NEIL3: variants seen among roughly 807,000 people sequenced by gnomAD.
NEIL3 encodes nei like DNA glycosylase 3.
A neutral mutation model predicts 57.5 loss-of-function variants in NEIL3; 48 were observed. That is an observed-to-expected ratio of 0.83 (90% CI 0.66 to 1.06). The LOEUF (loss-of-function observed/expected upper bound fraction) is 1.06, where lower values mean the gene tolerates loss of function less well. NEIL3 is among the 50% of genes least tolerant of loss of function. The probability of loss-of-function intolerance (pLI) is 0.00; values close to 1 mark genes in which losing one functional copy is unlikely to be tolerated. For synonymous variants in NEIL3, 261 were observed against 253.2 expected, an observed-to-expected ratio of 1.03 and a Z score of -0.29; for missense variants, 717 against 739.1, an observed-to-expected ratio of 0.97 and a Z score of 0.35.
chr4:177,335,810 C>T lies in NEIL3; in HGVS notation c.401C>T (p.Ser134Leu). The T allele has an allele frequency of 6.5e-7, 1 of 1,547,710 alleles. No homozygotes were observed. The highest frequency in any genetic ancestry group is 8.7e-7 in the Non-Finnish European group (1 of 1,152,978). The part of the protein sequence containing the change: ...TKDLICFFDS[S>L]VELRNSMESQ... Reference sequence around the variant, plus strand: ...GATTTGATTTGTTTCTTTGACTCATCAGTAGAACTCAGGTAAAAAAAATTA... The same window carrying T: ...GATTTGATTTGTTTCTTTGACTCATTAGTAGAACTCAGGTAAAAAAAATTA... The change falls in exon 3 of 10, where the codon TCA becomes TTA. Residue 134 changes from serine to leucine, a missense_variant. Physicochemically the swap from Ser to Leu is moderately radical, Grantham distance 145 (BLOSUM62 -2). Coordinates refer to ENST00000264596, the MANE Select transcript of NEIL3 (RefSeq NM_018248.3).
chr4:177,341,175 T>G (rs542787377), intron 5 of NEIL3, among the ~76,000 whole-genome samples: 5 of 152,236 alleles, frequency 3.3e-5, no homozygotes, highest in African/African-American at 1.2e-4. Flanking sequence ...TAAAAGACAT[T>G]TTTAAATATA....
chr4:177,347,813 T>A (rs1157516979), intron 6 of NEIL3, among the ~76,000 whole-genome samples: 1 of 152,192 alleles, frequency 6.6e-6, no homozygotes, highest in African/African-American at 2.4e-5. Flanking sequence ...AATGTGAATA[T>A]GTAGAATAAG....
chr4:177,340,418 A>T (rs1169397221), intron 5 of NEIL3, among the ~76,000 whole-genome samples: 1 of 152,254 alleles, frequency 6.6e-6, no homozygotes, highest in Non-Finnish European at 1.5e-5. Context: ...TATAGAATTC[A>T]ATAAACACAT....
rs565160088 is a variant in NEIL3 at position 177,328,137 on chromosome 4, T to C, written c.278+5557T>C. Among the ~76,000 whole-genome samples the C allele has an allele frequency of 3.3e-5, 5 of 152,302 alleles. No individual in the cohort carries two copies. The South Asian group carries it at 8.3e-4, about 25-fold the overall frequency. ...TATAACATCAACTGGTCTGATGTATTTGGAGTTCCAGAAAGGAAAGAGAAA... is the reference window on the plus strand; with the variant it reads ...TATAACATCAACTGGTCTGATGTATCTGGAGTTCCAGAAAGGAAAGAGAAA... On this transcript the variant is annotated intron_variant, in intron 2 of 9. Transcript: ENST00000264596.
intron 2 of NEIL3, among the ~76,000 whole-genome samples, chr4:177,323,911 T>G (rs966922266): frequency 6.6e-6 from 1 of 152,128 alleles, no homozygotes; most frequent in Non-Finnish European, 1.5e-5. Context: ...TTCAAACTCA[T>G]TGAACTAGTG....
At chr4:177,352,747 G>A (rs970670690) in intron 7 of NEIL3, among the ~76,000 whole-genome samples, 1 of 151,760 alleles carries the variant, frequency 6.6e-6, no homozygotes, top group East Asian at 1.9e-4. Context: ...GGAGAATGGC[G>A]TGAACCCGGG....
At chr4:177,341,430 C>T (rs1263735318) in intron 5 of NEIL3, 46 bp from the exon 6 acceptor site, 7 of 1,496,492 alleles carry the variant, frequency 4.7e-6, no homozygotes, top group Non-Finnish European at 5.3e-6. Context: ...TCCTTGGCAG[C>T]ACTGTTTTGT....
chr4:177,368,602 G>T, the NEIL3 span, among the ~76,000 whole-genome samples: 3 of 152,170 alleles, frequency 2.0e-5, no homozygotes, highest in Non-Finnish European at 4.4e-5. Context: ...ATTGTACTTT[G>T]CATACAGTAG....
intron 5 of NEIL3, 49 bp downstream of exon 5, chr4:177,339,906 T>C (rs781152944): frequency 7.4e-6 from 10 of 1,346,792 alleles, no homozygotes; most frequent in Admixed American, 3.4e-5. Flanking sequence ...GTCAGTGGTT[T>C]CCTTTTGGAG....
At chr4:177,332,779 T>C (rs1734906789) in intron 2 of NEIL3, among the ~76,000 whole-genome samples, 1 of 152,224 alleles carries the variant, frequency 6.6e-6, no homozygotes, top group Admixed American at 6.5e-5. Flanking sequence ...CCCATTTTTA[T>C]AGTAGCCTTC....
intron 5 of NEIL3, among the ~76,000 whole-genome samples, chr4:177,340,762 C>T (rs950173532): frequency 6.6e-6 from 1 of 152,004 alleles, no homozygotes; most frequent in African/African-American, 2.4e-5. Context: ...TATTTCTGGG[C>T]TTTTAAATTT....
chr4:177,314,850 G>A (rs937514115), intron 1 of NEIL3, among the ~76,000 whole-genome samples: 2 of 152,064 alleles, frequency 1.3e-5, no homozygotes, highest in Non-Finnish European at 2.9e-5. Flanking sequence ...GGCTGAGGCG[G>A]GCAGATCACG....
rs762648133 is a variant in NEIL3 at position 177,360,682 on chromosome 4, G to C, written c.1635+5G>C. On this transcript the variant is annotated splice_donor_5th_base_variant and intron_variant, in intron 9 of 9. Coordinates refer to ENST00000264596, the MANE Select transcript of NEIL3 (RefSeq NM_018248.3). ...GCACAATGTGGATTTTTTGAAGTATGTGTAAGATTTATCTAGCTTACTAAA... is the reference window on the plus strand; with the variant it reads ...GCACAATGTGGATTTTTTGAAGTATCTGTAAGATTTATCTAGCTTACTAAA... 1 of 1,594,860 alleles carries C rather than the reference G, an allele frequency of 6.3e-7. No individual in the cohort carries two copies. The highest frequency in any genetic ancestry group is 8.6e-7 in the Non-Finnish European group (1 of 1,168,286).
chr4:177,339,669 A>T (rs1202069014), intron 4 of NEIL3, 114 bp from the exon 5 acceptor site: 2 of 702,236 alleles, frequency 2.8e-6, no homozygotes, highest in Non-Finnish European at 4.9e-6. Context: ...TTCAAAGGTC[A>T]GCTGTATTCA....
chr4:177,328,828 G>T (rs1734828294), intron 2 of NEIL3, among the ~76,000 whole-genome samples: 1 of 152,040 alleles, frequency 6.6e-6, no homozygotes, highest in African/African-American at 2.4e-5. Context: ...AATTTATTGT[G>T]GACTTTATAA....
chr4:177,319,690 G>A (rs1198735369), intron 1 of NEIL3, among the ~76,000 whole-genome samples: 2 of 152,094 alleles, frequency 1.3e-5, no homozygotes, highest in African/African-American at 2.4e-5. Context: ...ACCTAAAGGG[G>A]TAAAGGAGAT....
At chr4:177,326,721 A>G (rs1734785760) in intron 2 of NEIL3, among the ~76,000 whole-genome samples, 2 of 151,652 alleles carry the variant, frequency 1.3e-5, no homozygotes, top group African/African-American at 4.8e-5. Context: ...ATCTTCCTTC[A>G]TTTCTTTATC....
At chr4:177,347,335 T>C (rs1039355459) in intron 6 of NEIL3, among the ~76,000 whole-genome samples, 2 of 152,132 alleles carry the variant, frequency 1.3e-5, no homozygotes, top group Non-Finnish European at 2.9e-5. Context: ...GCCCCTCTGC[T>C]TGGGAGGGAC....
downstream of NEIL3, among the ~76,000 whole-genome samples, chr4:177,363,178 CTA>C (rs1351281840): frequency 1.3e-5 from 2 of 152,158 alleles, no homozygotes; most frequent in African/African-American, 2.4e-5. Flanking sequence ...GCACAGATCA[CTA>C]TGATTGTTCC....
Sources: allele counts gnomAD v4.1 joint callset (sites outside exome capture counted in the v4.1 genomes callset), GRCh38; gene constraint gnomAD v4.1.1; transcripts MANE v1.5; gene names NCBI Gene and HGNC (gene_info 2026-07-23, HGNC 2026-07-21).